Variants in SETD1A observed in about 807,000 individuals in gnomAD.
SETD1A encodes the protein SET domain containing 1A, histone lysine methyltransferase.
A neutral mutation model predicts 149.9 loss-of-function variants in SETD1A; 29 were observed. The ratio of observed to expected loss-of-function variants is 0.19; its 90% CI spans 0.14 to 0.26. The LOEUF (loss-of-function observed/expected upper bound fraction) is 0.26, where lower values mean the gene tolerates loss of function less well. Ranked by LOEUF, SETD1A falls within the 10% of genes least tolerant of loss-of-function variation. SETD1A has a pLI of 1.00. For missense variants in SETD1A, 2,109 were observed against 2,353.1 expected (o/e 0.90, Z 2.15); for synonymous variants, 1,141 against 968.5 (o/e 1.18, Z -3.31).
Position 30,966,106 on chromosome 16 carries a change from C to A in SETD1A, c.2225C>A (p.Ala742Glu). ...LYAQGQEGRG[A>E]YSREAYHLPM... ...GCACAGGGGCAGGAGGGCAGAGGGG[C>A]ATACTCACGGGAGGCCTACCACCTG... is the stretch of plus-strand genomic sequence containing the variant. The change falls in exon 8 of 19, where the codon GCA becomes GAA. Residue 742 changes from alanine (A) to glutamate (E), a missense_variant. Ala to Glu is a moderately radical substitution (Grantham distance 107, BLOSUM62 -1). Transcript: ENST00000262519. The A allele has an allele frequency of 6.3e-7, 1 of 1,597,300 alleles. No individual in the cohort carries two copies. The highest frequency in any genetic ancestry group is 8.5e-7 in the Non-Finnish European group (1 of 1,170,462).
rs2056225734 is a variant in SETD1A at position 30,971,591 on chromosome 16, C to T, written c.3230C>T (p.Ala1077Val). Residue 1077 changes from alanine to valine, a missense_variant, in exon 13 of 19, where the codon GCC becomes GTC. Coordinates refer to ENST00000262519, the MANE Select transcript of SETD1A (RefSeq NM_014712.3). ...GAGCGGCCAGCAGCCCTTCCCTCAG[C>T]CTCCCCGCCCCCCAGAGAAGTCCCA... ...EEERPAALPS[A>V]SPPPREVPVP... 6.2e-7 allele frequency: 1 copy of T among 1,613,942 alleles called. No homozygotes were observed.
At chr16:30,977,104 G>A (rs1015599386) in intron 13 of SETD1A, among the ~76,000 whole-genome samples, 2 of 152,076 alleles carry the variant, frequency 1.3e-5, no homozygotes, top group Non-Finnish European at 2.9e-5. Context: ...GCGCCATCAC[G>A]CCCGCTAATT....
In SETD1A at chr16:30,965,082, G is replaced by T; in HGVS notation, c.1340G>T (p.Gly447Val). 6.2e-7 allele frequency: 1 copy of T among 1,611,128 alleles called. No homozygotes were observed. The highest frequency in any genetic ancestry group is 8.5e-7 in the Non-Finnish European group (1 of 1,179,546). Residue 447 changes from glycine to valine, a missense_variant, in exon 7 of 19, where the codon GGA becomes GTA. By Grantham distance (109) the Gly-to-Val change is moderately radical (BLOSUM62 -3). Transcript: ENST00000262519. The part of the protein sequence containing the change: ...PPEPGGGGGG[G>V]GPSPEREEVR... Reference sequence around the variant, plus strand: ...GAACCTGGTGGAGGCGGGGGTGGAGGAGGGCCCAGCCCTGAGAGAGAAGAA... The same window carrying T: ...GAACCTGGTGGAGGCGGGGGTGGAGTAGGGCCCAGCCCTGAGAGAGAAGAA...
intron 4 of SETD1A, among the ~76,000 whole-genome samples, chr16:30,962,241 T>C (rs943303675): frequency 6.6e-6 from 1 of 152,124 alleles, no homozygotes; most frequent in Non-Finnish European, 1.5e-5. Flanking sequence ...ATTTTTGTAT[T>C]TTTAGTAGAG....
In SETD1A at chr16:30,979,991, G is replaced by GCCCCAA; in HGVS notation, c.4208_4209insCAACCC (p.Pro1403_Pro1404insAsnPro). ...CTCCGCTCCCACGCCCGGCGCCGCC[G>GCCCCAA]CCCTCCGCCCCCACCCCCGCCGCCA... On this transcript the variant is annotated inframe_insertion, in exon 14 of 19. Transcript: ENST00000262519. The GCCCCAA allele has an allele frequency of 3.1e-6, 4 of 1,279,656 alleles. No individual in the cohort carries two copies. The highest frequency in any genetic ancestry group is 4.1e-6 in the Non-Finnish European group (4 of 969,366). 79.3% of individuals were successfully genotyped at this position (1,279,656 alleles called of 1,614,324 possible).
rs563134761 is a variant in SETD1A at position 30,963,360 on chromosome 16, A to C, written c.518-73A>C. The C allele has an allele frequency of 7.1e-6, 10 of 1,402,784 alleles. No homozygotes were observed. In the South Asian group the frequency reaches 1.4e-4, roughly 20 times the overall value. The allele number at this position is 1,402,784 out of a possible 1,614,324, so 86.9% of individuals were successfully genotyped here. ...AATTGTAGGAAACTTGAGGCCTGAG[A>C]AAGCAGGAATACCAGATCAGGAAGG... On this transcript the variant is annotated intron_variant, in intron 4 of 18. Coordinates refer to ENST00000262519, the MANE Select transcript of SETD1A (RefSeq NM_014712.3).
Position 30,961,157 on chromosome 16 carries a change from A to G in SETD1A, c.247-110A>G. On this transcript the variant is annotated intron_variant, in intron 3 of 18. Transcript: ENST00000262519. The surrounding 1 kb of genome is among the most constrained non-coding windows in gnomAD (Gnocchi z 4.0). ...TTTTGGGCCCCTTCCCTTGCCCCTC[A>G]CTTTCCCGGATCTCTCTCTTGACTT... The G allele has an allele frequency of 8.7e-7, 1 of 1,155,270 alleles. No homozygotes were observed. The highest frequency in any genetic ancestry group is 1.4e-5 in the South Asian group (1 of 73,532). The allele number at this position is 1,155,270 out of a possible 1,614,324, so 71.6% of individuals were successfully genotyped here.
At position 30,961,935 on chromosome 16, in the gene SETD1A, A is replaced by T. The variant is rs1279511623; in HGVS notation, c.517+398A>T. Among the ~76,000 whole-genome samples the T allele has an allele frequency of 2.6e-5, 4 of 152,110 alleles. No individual in the cohort carries two copies. Among genetic ancestry groups the T allele is most frequent in the Non-Finnish European group, 5.9e-5 (4 of 68,014 alleles). ...GTGATCTTTCCTCACTGCAGCCTCC[A>T]GCTCCTGGGCTCAGCCACCCCAGCC... On this transcript the variant is annotated intron_variant, in intron 4 of 18. Transcript: ENST00000262519. The surrounding 1 kb of genome is among the most constrained non-coding windows in gnomAD (Gnocchi z 4.0).
Position 30,979,371 on chromosome 16 carries a change from C to T in SETD1A, c.3585C>T (p.Ala1195=), listed in dbSNP as rs1293101095. The T allele has an allele frequency of 1.2e-6, 2 of 1,612,812 alleles. No homozygotes were observed. The highest frequency in any genetic ancestry group is 2.2e-5 in the East Asian group (1 of 44,852). ...CGCAGGCCAAGTTTCCCGGCCCAGC[C>T]TCCCGCAAGGCTCCCCGGGGCGTGG... ...TPPQAKFPGP[A]SRKAPRGVER... is the part of the protein sequence containing the mutation. The change falls in exon 14 of 19, where the codon GCC becomes GCT. Residue 1195 remains alanine (A), a synonymous_variant. Coordinates refer to ENST00000262519, the MANE Select transcript of SETD1A (RefSeq NM_014712.3).
At chr16:30,963,373 C>T (rs2056080662) in intron 4 of SETD1A, 60 bp from the exon 5 acceptor site, 1 of 1,466,484 alleles carries the variant, frequency 6.8e-7, no homozygotes, top group Non-Finnish European at 9.1e-7. Flanking sequence ...GCAGGAATAC[C>T]AGATCAGGAA....
chr16:30,981,034 C>T (rs772042849), intron 16 of SETD1A, 27 bp from the exon 17 acceptor site: 1 of 1,613,132 alleles, frequency 6.2e-7, no homozygotes, highest in Non-Finnish European at 8.5e-7. Flanking sequence ...AGGTGTCTGG[C>T]AGTTGAGTCT....
Position 30,979,844 on chromosome 16 carries a change from A to C in SETD1A, c.4058A>C (p.Gln1353Pro). The change falls in exon 14 of 19, where the codon CAA becomes CCA. Residue 1353 changes from glutamine (Q) to proline (P), a missense_variant. By Grantham distance (76) the Gln-to-Pro change is moderately conservative (BLOSUM62 -1). This residue lies in a region of SETD1A where 832 missense variants were observed against 815.6 expected (regional missense o/e 1.02). Transcript: ENST00000262519. ...VAEAEEPKPQ[Q>P]LQQQREEGEE... ...GAGGCGGAGGAGCCCAAGCCGCAGC[A>C]ACTGCAGCAGCAGCGGGAGGAGGGC... The C allele has an allele frequency of 6.5e-7, 1 of 1,548,248 alleles. No individual in the cohort carries two copies.
intron 1 of SETD1A, 149 bp downstream of exon 1, chr16:30,958,113 C>T (rs1261961459): frequency 6.7e-6 from 1 of 148,772 alleles, no homozygotes; most frequent in African/African-American, 2.5e-5. Flanking sequence ...GGGAGCCGCT[C>T]GCCGGGAGCG....
At chr16:30,981,708 G>A (rs1178232461) in intron 17 of SETD1A, among the ~76,000 whole-genome samples, 2 of 152,212 alleles carry the variant, frequency 1.3e-5, no homozygotes, top group African/African-American at 4.8e-5. Flanking sequence ...CCTGGGAAGC[G>A]GGAGGACAGG....
chr16:30,965,800 G>T lies in SETD1A; in HGVS notation c.1919G>T (p.Gly640Val). 6.3e-7 allele frequency: 1 copy of T among 1,591,776 alleles called. No homozygotes were observed. The highest frequency in any genetic ancestry group is 1.1e-5 in the South Asian group (1 of 87,582). ...PAYLLPPRPD[G>V]PPPPEYPPPP... is the part of the protein sequence containing the mutation. ...TACCTCCTCCCACCCAGACCTGATG[G>T]GCCGCCGCCCCCTGAGTACCCCCCA... The change falls in exon 8 of 19, where the codon GGG (glycine) becomes GTG (valine). Residue 640 changes from glycine to valine, a missense_variant. Transcript: ENST00000262519.
Position 30,980,366 on chromosome 16 carries a change from C to A in SETD1A, c.4409-119C>A. The A allele has an allele frequency of 6.9e-7, 1 of 1,452,458 alleles. No homozygotes were observed. Among genetic ancestry groups the A allele is most frequent in the Non-Finnish European group, 9.3e-7 (1 of 1,075,198 alleles). The allele number at this position is 1,452,458 out of a possible 1,614,324, so 90.0% of individuals were successfully genotyped here. Reference sequence around the variant, plus strand: ...AGCATTTCTGGCAGGAACGATGGGGCTGGGGCTTCCTCCCCTGTCCCTCAC... The same window carrying A: ...AGCATTTCTGGCAGGAACGATGGGGATGGGGCTTCCTCCCCTGTCCCTCAC... On this transcript the variant is annotated intron_variant, in intron 14 of 18. Coordinates refer to ENST00000262519, the MANE Select transcript of SETD1A (RefSeq NM_014712.3). The surrounding 1 kb of genome is among the most constrained non-coding windows in gnomAD (Gnocchi z 7.7).
chr16:30,964,044 AGTG>A, intron 5 of SETD1A, 47 bp from the exon 6 acceptor site: 1 of 1,434,574 alleles, frequency 7.0e-7, no homozygotes, highest in South Asian at 1.2e-5. Context: ...GCAGGTCTCA[AGTG>A]GTGTTTGAGC....
At position 30,977,143 on chromosome 16, in the gene SETD1A, A is replaced by G. The variant is rs572356243; in HGVS notation, c.3359-2002A>G. Among the ~76,000 whole-genome samples the G allele has an allele frequency of 1.1e-4, 16 of 152,234 alleles. No individual in the cohort carries two copies. The East Asian group carries it at 2.9e-3, about 28-fold the overall frequency. ...GTATTTTTAGTAGAGACGGGATTTCACCATGTTGGTCAGGATGGTCTCGAT... is the reference window on the plus strand; with the variant it reads ...GTATTTTTAGTAGAGACGGGATTTCGCCATGTTGGTCAGGATGGTCTCGAT... On this transcript the variant is annotated intron_variant, in intron 13 of 18. Coordinates refer to ENST00000262519, the MANE Select transcript of SETD1A (RefSeq NM_014712.3).
chr16:30,982,334 C>G (rs2056389410), intron 17 of SETD1A, among the ~76,000 whole-genome samples: 1 of 151,976 alleles, frequency 6.6e-6, no homozygotes, highest in African/African-American at 2.4e-5. Flanking sequence ...AACCCCGTCT[C>G]TACTAAAAAT....
Sources: allele counts gnomAD v4.1 joint callset (sites outside exome capture counted in the v4.1 genomes callset), GRCh38; gene constraint gnomAD v4.1.1; regional missense constraint gnomAD v4.1.1; non-coding constraint Gnocchi (gnomAD v3.1); transcripts MANE v1.5; gene names NCBI Gene and HGNC (gene_info 2026-07-23, HGNC 2026-07-21).